Variants in PHF21A observed in about 807,000 individuals in gnomAD.
PHF21A encodes the protein BHC80a.
PHF21A carries 11 observed loss-of-function variants against 82.5 expected under a neutral mutation model. The ratio of observed to expected loss-of-function variants is 0.13; its 90% confidence interval spans 0.08 to 0.22. PHF21A has a LOEUF of 0.22. Ranked by LOEUF, PHF21A falls within the 10% of genes least tolerant of loss-of-function variation. The pLI, the probability that PHF21A is intolerant of heterozygous loss-of-function variation, is 1.00. For synonymous variants in PHF21A, 297 were observed against 302.8 expected (o/e 0.98, Z 0.20); for missense variants, 579 against 837.8 (o/e 0.69, Z 3.81).
intron 6 of PHF21A, among the ~76,000 whole-genome samples, chr11:46,072,052 TAAAAC>T (rs952916590): frequency 5.7e-4 from 87 of 152,202 alleles, no homozygotes; most frequent in African/African-American, 2.0e-3. Flanking sequence ...AAAAAGCAAA[TAAAAC>T]AAACACGTTC....
At chr11:46,070,659 G>A (rs909551736) in intron 6 of PHF21A, among the ~76,000 whole-genome samples, 1 of 152,126 alleles carries the variant, frequency 6.6e-6, no homozygotes, top group Non-Finnish European at 1.5e-5. Flanking sequence ...AACAGAGTCA[G>A]AGAAGGAAAC....
At chr11:46,021,316 C>G (rs567289784) in intron 6 of PHF21A, among the ~76,000 whole-genome samples, 54 of 152,164 alleles carry the variant, frequency 3.5e-4, no homozygotes, top group Non-Finnish European at 1.9e-4. Flanking sequence ...CCTGCCTTGG[C>G]CTTCCAAAGT....
At chr11:45,951,933 A>G (rs2092177527) in intron 11 of PHF21A, among the ~76,000 whole-genome samples, 1 of 151,352 alleles carries the variant, frequency 6.6e-6, no homozygotes, top group African/African-American at 2.4e-5. Context: ...CAGCCTCCCG[A>G]GTACCTGGGA....
intron 11 of PHF21A, among the ~76,000 whole-genome samples, 194 bp downstream of exon 11, chr11:45,953,333 A>C (rs1276891916): frequency 2.0e-5 from 3 of 152,246 alleles, no homozygotes; most frequent in Non-Finnish European, 4.4e-5. Context: ...TAGTGCATGG[A>C]CCCTCAAGAC....
chr11:45,949,539 A>G, intron 12 of PHF21A, 58 bp from the exon 13 acceptor site: 2 of 1,352,502 alleles, frequency 1.5e-6, no homozygotes, highest in African/African-American at 1.4e-5. Context: ...AAAAAACTTA[A>G]CTTCATTGTT....
At chr11:45,972,905 C>A (rs1437419106) in intron 7 of PHF21A, among the ~76,000 whole-genome samples, 12 of 151,338 alleles carry the variant, frequency 7.9e-5, no homozygotes, top group Non-Finnish European at 1.3e-4. Flanking sequence ...GAGCGAGTCT[C>A]CGTCTCAAAA....
At chr11:45,969,756 G>C in intron 9 of PHF21A, 59 bp downstream of exon 9, 1 of 1,140,174 alleles carries the variant, frequency 8.8e-7, no homozygotes, top group Non-Finnish European at 1.3e-6. Flanking sequence ...CTTAGAAAGA[G>C]CCCATGAGGA....
chr11:46,069,981 CA>C lies in PHF21A; in HGVS notation c.153+6772del, dbSNP rs545680309. ...TGCATTAACTCCTCAATGCATAATC[CA>C]AACATTCCACGAATATGGAAAGAGA... On this transcript the variant is annotated intron_variant, in intron 6 of 18. Coordinates refer to ENST00000676320, the MANE Select transcript of PHF21A (RefSeq NM_001352027.3). Among the ~76,000 whole-genome samples, 123 of 152,210 alleles carry C rather than the reference CA, an allele frequency of 8.1e-4. 1 individual carries two copies. The East Asian group carries it at 0.023, about 28-fold the overall frequency.
intron 6 of PHF21A, among the ~76,000 whole-genome samples, chr11:46,047,974 T>A (rs1476606298): frequency 3.3e-5 from 5 of 152,366 alleles, no homozygotes; most frequent in Admixed American, 6.5e-5. Flanking sequence ...AATACTTTTT[T>A]AAACAGATTT....
At chr11:46,080,817 A>T (rs888928019) in intron 4 of PHF21A, among the ~76,000 whole-genome samples, 1 of 149,586 alleles carries the variant, frequency 6.7e-6, no homozygotes, top group African/African-American at 2.4e-5. Context: ...ACAGGTGCAC[A>T]CCACCATATC....
chr11:45,994,526 T>TA (rs1204415860), intron 6 of PHF21A, among the ~76,000 whole-genome samples: 1 of 152,200 alleles, frequency 6.6e-6, no homozygotes, highest in Non-Finnish European at 1.5e-5. Context: ...TCAGTAAGAC[T>TA]GCTGTGTAAG....
At chr11:46,106,738 T>C (rs1238447407) in intron 1 of PHF21A, among the ~76,000 whole-genome samples, 1 of 152,224 alleles carries the variant, frequency 6.6e-6, no homozygotes, top group Non-Finnish European at 1.5e-5. Context: ...CAAGCTATCC[T>C]GCGTTCTATA....
In PHF21A at chr11:45,965,352, T is replaced by G. The variant is rs757274628; in HGVS notation, c.959A>C (p.Gln320Pro). 6.2e-7 allele frequency: 1 copy of G among 1,613,938 alleles called. No homozygotes were observed. Among genetic ancestry groups the G allele is most frequent in the Non-Finnish European group, 8.5e-7 (1 of 1,179,954 alleles). The change falls in exon 10 of 19, where the codon CAA becomes CCA. Residue 320 changes from glutamine (Q) to proline (P), a missense_variant. Coordinates refer to ENST00000676320, the MANE Select transcript of PHF21A (RefSeq NM_001352027.3). ...ACTTGGCTTGCTAAGCTGTACAGTT[T>G]GAGGTCCAGCGAGTCTGGTCCCTGG... ...ATPGTRLAGP[Q>P]TVQLSKPSLE...
chr11:46,089,158 T>C (rs1047976864), intron 3 of PHF21A, among the ~76,000 whole-genome samples: 1 of 152,188 alleles, frequency 6.6e-6, no homozygotes, highest in Non-Finnish European at 1.5e-5. Context: ...ATGTTTAAAG[T>C]AGGTTTAATT....
chr11:46,069,485 TTA>T (rs1049437042), intron 6 of PHF21A, among the ~76,000 whole-genome samples: 127 of 152,302 alleles, frequency 8.3e-4, no homozygotes, highest in Middle Eastern at 3.4e-3. Context: ...GGGTAACATT[TTA>T]CAGTAACTGG....
At position 45,935,569 on chromosome 11, in the gene PHF21A, C is replaced by T. The variant is rs531249659; in HGVS notation, c.1788+67G>A. The T allele has an allele frequency of 1.0e-4, 86 of 856,138 alleles. No homozygotes were observed. The African/African-American group carries it at 1.3e-3, about 13-fold the overall frequency. The allele number at this position is 856,138 out of a possible 1,614,324, so 53.0% of individuals were successfully genotyped here. The stretch of plus-strand genomic sequence containing the variant: ...AGCCTGGGGCCCACACGTACTGTTA[C>T]GTATATTGGAAAGGCCTAGGTCTCT... On this transcript the variant is annotated intron_variant, in intron 18 of 18. Coordinates refer to ENST00000676320, the MANE Select transcript of PHF21A (RefSeq NM_001352027.3).
At chr11:46,066,428 T>C (rs1354790505) in intron 6 of PHF21A, among the ~76,000 whole-genome samples, 4 of 152,200 alleles carry the variant, frequency 2.6e-5, no homozygotes, top group Admixed American at 6.5e-5. Flanking sequence ...CAGCCAGCCA[T>C]TGTGGCTTGA....
chr11:45,931,429 T>G lies in PHF21A; in HGVS notation c.*2539A>C, dbSNP rs1165364190. 6.6e-6 allele frequency: 1 copy of G among 152,166 alleles called. No homozygotes were observed. Among genetic ancestry groups the G allele is most frequent in the African/African-American group, 2.4e-5 (1 of 41,436 alleles). 9.4% of individuals were successfully genotyped at this position (152,166 alleles called of 1,614,324 possible). On this transcript the variant is annotated 3_prime_UTR_variant, in exon 19 of 19. Transcript: ENST00000676320. The stretch of plus-strand genomic sequence containing the variant: ...GGCTCCCTGACTAGACACAGCACCT[T>G]GGTTTCTGAATGAGAAAAGGGAACT...
intron 6 of PHF21A, among the ~76,000 whole-genome samples, chr11:45,992,917 C>T (rs1591704389): frequency 1.3e-5 from 2 of 152,344 alleles, no homozygotes; most frequent in East Asian, 3.9e-4. Flanking sequence ...TCCTCTACCA[C>T]TGAACCGCAG....
Sources: allele counts gnomAD v4.1 joint callset (sites outside exome capture counted in the v4.1 genomes callset), GRCh38; gene constraint gnomAD v4.1.1; transcripts MANE v1.5; gene names NCBI Gene and HGNC (gene_info 2026-07-23, HGNC 2026-07-21).